RORA: variants seen among roughly 807,000 people sequenced by gnomAD.
The protein encoded by RORA is RAR related orphan receptor A.
RORA carries 7 observed loss-of-function variants against 69.5 expected under a neutral mutation model. The ratio of observed to expected loss-of-function variants is 0.10; its 90% CI spans 0.06 to 0.19. The LOEUF is 0.19. Ranked by LOEUF, RORA falls within the 10% of genes least tolerant of loss-of-function variation. The pLI is 1.00. For synonymous variants in RORA, 261 were observed against 240.8 expected, an observed-to-expected ratio of 1.08 and a Z score of -0.78; for missense variants, 457 against 663.0, an observed-to-expected ratio of 0.69 and a Z score of 3.41.
intron 1 of RORA, among the ~76,000 whole-genome samples, chr15:60,685,620 G>A (rs2140763489): frequency 6.6e-6 from 1 of 152,258 alleles, no homozygotes; most frequent in East Asian, 1.9e-4. Flanking sequence ...CCTTGTCTAG[G>A]ACAAAAGAAC....
At chr15:60,858,692 T>TATACAC in intron 1 of RORA, among the ~76,000 whole-genome samples, 1 of 142,818 alleles carries the variant, frequency 7.0e-6, no homozygotes, top group African/African-American at 2.6e-5. Flanking sequence ...AGAAAGAAAA[T>TATACAC]ACACACACAC....
intron 1 of RORA, among the ~76,000 whole-genome samples, chr15:61,180,838 C>A (rs2079678013): frequency 6.6e-6 from 1 of 152,176 alleles, no homozygotes; most frequent in Non-Finnish European, 1.5e-5. Context: ...GTGGCTCACA[C>A]CTGTAATCCC....
At chr15:60,684,119 G>A (rs1596123762) in intron 1 of RORA, among the ~76,000 whole-genome samples, 1 of 151,830 alleles carries the variant, frequency 6.6e-6, no homozygotes, top group East Asian at 1.9e-4. Flanking sequence ...GTAAGAGGTG[G>A]CATTTTTCCT....
At chr15:61,173,938 C>G (rs1434441384) in intron 1 of RORA, among the ~76,000 whole-genome samples, 1 of 152,200 alleles carries the variant, frequency 6.6e-6, no homozygotes, top group South Asian at 2.1e-4. Flanking sequence ...GTGGTATGCA[C>G]ACTGGGTCTG....
chr15:61,178,072 T>A (rs1021093799), intron 1 of RORA, among the ~76,000 whole-genome samples: 4 of 152,224 alleles, frequency 2.6e-5, no homozygotes, highest in African/African-American at 9.6e-5. Context: ...CATTTTCTTA[T>A]TCTTAGCATT....
intron 1 of RORA, among the ~76,000 whole-genome samples, chr15:61,138,742 A>T (rs939278552): frequency 2.6e-5 from 4 of 152,166 alleles, no homozygotes; most frequent in African/African-American, 9.7e-5. Flanking sequence ...TGAGGGGGAA[A>T]AAAAGCCATT....
intron 2 of RORA, among the ~76,000 whole-genome samples, chr15:60,640,101 AG>A (rs2069916021): frequency 6.6e-6 from 1 of 152,178 alleles, no homozygotes; most frequent in Non-Finnish European, 1.5e-5. Flanking sequence ...TGAGCCTGAG[AG>A]TCCTCATATA....
intron 1 of RORA, among the ~76,000 whole-genome samples, chr15:61,206,277 C>T (rs2079940617): frequency 6.6e-6 from 1 of 152,144 alleles, no homozygotes; most frequent in African/African-American, 2.4e-5. Flanking sequence ...GGAAGAAATT[C>T]TTATTTCTAT....
At chr15:60,639,865 G>A (rs1176576310) in intron 2 of RORA, among the ~76,000 whole-genome samples, 1 of 152,126 alleles carries the variant, frequency 6.6e-6, no homozygotes, top group East Asian at 1.9e-4. Context: ...AGTTGATGAT[G>A]GTATTTGCTT....
At chr15:60,890,893 G>T (rs1038370943) in intron 1 of RORA, among the ~76,000 whole-genome samples, 2 of 152,186 alleles carry the variant, frequency 1.3e-5, no homozygotes, top group African/African-American at 4.8e-5. Context: ...TTAATGCAGT[G>T]CTCTCTCTGA....
chr15:61,106,027 C>T (rs745399587), intron 1 of RORA, among the ~76,000 whole-genome samples: 16 of 152,180 alleles, frequency 1.1e-4, no homozygotes, highest in Non-Finnish European at 1.6e-4. Flanking sequence ...TGGGTTCATT[C>T]CCACTGGTGT....
intron 2 of RORA, among the ~76,000 whole-genome samples, chr15:60,673,166 A>G (rs2070500324): frequency 6.6e-6 from 1 of 152,220 alleles, no homozygotes; most frequent in Admixed American, 6.5e-5. Context: ...CAAGTCTACT[A>G]ACTGGGCAAA....
intron 1 of RORA, among the ~76,000 whole-genome samples, chr15:60,945,291 C>A (rs1027973476): frequency 2.0e-5 from 3 of 152,168 alleles, no homozygotes; most frequent in African/African-American, 7.2e-5. Context: ...CCTGTTGGCA[C>A]GAGCTGGACA....
At position 61,023,811 on chromosome 15, in the gene RORA, A is replaced by C. The variant is rs572984394; in HGVS notation, c.166+205242T>G. On this transcript the variant is annotated intron_variant, in intron 1 of 10. Coordinates refer to ENST00000335670, the MANE Select transcript of RORA (RefSeq NM_134261.3). ...TCTCAATCCCAACTTCTTCCTTTTC[A>C]TCATTTCACATGGGATGAGAGACCT... 5.1e-4 allele frequency among the ~76,000 whole-genome samples: 77 copies of C among 152,312 alleles called. No homozygotes were observed. The South Asian group carries it at 0.015, about 30-fold the overall frequency.
intron 1 of RORA, among the ~76,000 whole-genome samples, chr15:60,732,494 A>C (rs963971354): frequency 6.6e-6 from 1 of 152,160 alleles, no homozygotes; most frequent in Non-Finnish European, 1.5e-5. Context: ...GCTTACTTGG[A>C]GTTTCAGTGT....
intron 1 of RORA, among the ~76,000 whole-genome samples, chr15:60,982,446 G>T (rs553187790): frequency 1.8e-4 from 28 of 152,286 alleles, no homozygotes; most frequent in Non-Finnish European, 3.1e-4. Context: ...GTTATCCATT[G>T]CCTTAGACAG....
chr15:61,093,422 T>C (rs1369754763), intron 1 of RORA, among the ~76,000 whole-genome samples: 1 of 152,168 alleles, frequency 6.6e-6, no homozygotes. Flanking sequence ...TGAGGCCACA[T>C]GGTGGACTAT....
chr15:60,837,789 T>C (rs2073137191), intron 1 of RORA, among the ~76,000 whole-genome samples: 1 of 151,920 alleles, frequency 6.6e-6, no homozygotes, highest in African/African-American at 2.4e-5. Flanking sequence ...TTGTTTCTTC[T>C]CAGGTTGCCA....
At chr15:61,141,722 C>T (rs1444380001) in intron 1 of RORA, among the ~76,000 whole-genome samples, 1 of 152,214 alleles carries the variant, frequency 6.6e-6, no homozygotes, top group Non-Finnish European at 1.5e-5. Context: ...ATCAGGCACA[C>T]AGCAAGGTCC....
Sources: gnomAD v4.1 joint callset for allele counts (sites outside exome capture counted in the v4.1 genomes callset) on GRCh38, gnomAD v4.1.1 for gene constraint, MANE v1.5 for transcripts, NCBI Gene and HGNC (gene_info 2026-07-23, HGNC 2026-07-21) for gene names.